DAOA: variants seen among roughly 807,000 people sequenced by gnomAD.
The protein encoded by DAOA is D-amino acid oxidase activator.
A neutral mutation model predicts 16.4 loss-of-function variants in DAOA; 15 were observed. The ratio of observed to expected loss-of-function variants is 0.91; its 90% CI spans 0.61 to 1.41. The LOEUF (loss-of-function observed/expected upper bound fraction) is 1.41, where lower values mean the gene tolerates loss of function less well. Among genes scored for constraint, DAOA ranks in the 40% most tolerant of loss-of-function variants. DAOA has a pLI of 0.00. For missense variants in DAOA, 230 were observed against 176.8 expected, an observed-to-expected ratio of 1.30 and a Z score of -1.71; for synonymous variants, 75 against 59.1, an observed-to-expected ratio of 1.27 and a Z score of -1.23.
Position 105,489,836 on chromosome 13 carries a change from C to T in DAOA, c.282-65C>T, listed in dbSNP as rs113341591. The T allele has an allele frequency of 2.8e-4, 446 of 1,613,550 alleles. 2 individuals are homozygous for T. In the East Asian group the frequency reaches 9.4e-3, roughly 34 times the overall value. On this transcript the variant is annotated intron_variant, in intron 4 of 5. Coordinates refer to ENST00000375936, the MANE Select transcript of DAOA (RefSeq NM_172370.5). Reference sequence around the variant, plus strand: ...ATGGAACATGGGAAAGGTGATGACACTTGACTCCGGTGATGAGGTTACCTT... The same window carrying T: ...ATGGAACATGGGAAAGGTGATGACATTTGACTCCGGTGATGAGGTTACCTT...
At chr13:105,480,312 C>G (rs1486176638) in intron 4 of DAOA, among the ~76,000 whole-genome samples, 1 of 151,904 alleles carries the variant, frequency 6.6e-6, no homozygotes, top group African/African-American at 2.4e-5. Flanking sequence ...CTAGCAGATA[C>G]AATATTTTAC....
intron 4 of DAOA, among the ~76,000 whole-genome samples, chr13:105,473,937 G>A (rs1877165203): frequency 6.6e-6 from 1 of 151,986 alleles, no homozygotes; most frequent in Non-Finnish European, 1.5e-5. Flanking sequence ...ACTTTCCTTT[G>A]GAACAAGGAA....
chr13:105,484,229 A>T lies in DAOA; in HGVS notation c.282-5672A>T, dbSNP rs533593911. ...TTTTACTTTCTATTTTATCCTATTGATTTGTCTATCTTAATGCTAATAACT... is the reference window on the plus strand; with the variant it reads ...TTTTACTTTCTATTTTATCCTATTGTTTTGTCTATCTTAATGCTAATAACT... On this transcript the variant is annotated intron_variant, in intron 4 of 5. Coordinates refer to ENST00000375936, the MANE Select transcript of DAOA (RefSeq NM_172370.5). Among the ~76,000 whole-genome samples, 323 of 151,666 alleles carry T rather than the reference A, an allele frequency of 2.1e-3. 1 individual carries two copies. In the South Asian group the frequency reaches 0.021, roughly 10 times the overall value.
chr13:105,483,204 T>C (rs1877872281), intron 4 of DAOA, among the ~76,000 whole-genome samples: 1 of 152,222 alleles, frequency 6.6e-6, no homozygotes, highest in East Asian at 1.9e-4. Flanking sequence ...CTCATCTTCG[T>C]TGAGTCGTAT....
At chr13:105,466,546 G>C (rs1302208818) in intron 2 of DAOA, 24 of 715,120 alleles carry the variant, frequency 3.4e-5, no homozygotes, top group Non-Finnish European at 2.4e-5. Context: ...TGTTAATGAG[G>C]AGGAGACATA....
chr13:105,488,186 T>G (rs1298510431), intron 4 of DAOA, among the ~76,000 whole-genome samples: 1 of 152,202 alleles, frequency 6.6e-6, no homozygotes, highest in Non-Finnish European at 1.5e-5. Flanking sequence ...TTGTCTGTCC[T>G]CCAACCCCCA....
At chr13:105,473,600 A>T (rs1192088430) in intron 4 of DAOA, among the ~76,000 whole-genome samples, 1 of 152,144 alleles carries the variant, frequency 6.6e-6, no homozygotes, top group Non-Finnish European at 1.5e-5. Context: ...GCCACGCAAA[A>T]AAAGTATAGC....
chr13:105,478,810 G>T (rs890163099), intron 4 of DAOA, among the ~76,000 whole-genome samples: 13 of 152,060 alleles, frequency 8.5e-5, no homozygotes, highest in Non-Finnish European at 1.8e-4. Context: ...ACTTTGTTTT[G>T]CTATTTCATT....
chr13:105,468,702 T>A (rs1876714481), intron 3 of DAOA, among the ~76,000 whole-genome samples: 1 of 152,232 alleles, frequency 6.6e-6, no homozygotes, highest in African/African-American at 2.4e-5. Flanking sequence ...AGTATGTTAA[T>A]TTCTTCCACT....
intron 5 of DAOA, chr13:105,490,592 T>TC (rs1878449319): frequency 6.6e-6 from 1 of 152,174 alleles, no homozygotes; most frequent in African/African-American, 2.4e-5. Flanking sequence ...GATGGACCCT[T>TC]CCCTACTTTT....
At chr13:105,475,081 T>A in intron 4 of DAOA, 3 of 972,194 alleles carry the variant, frequency 3.1e-6, no homozygotes, top group Non-Finnish European at 3.7e-6. Context: ...GTAAAGATGT[T>A]AAGCTGCATA....
At chr13:105,486,288 T>G (rs1878103177) in intron 4 of DAOA, among the ~76,000 whole-genome samples, 1 of 152,120 alleles carries the variant, frequency 6.6e-6, no homozygotes, top group African/African-American at 2.4e-5. Flanking sequence ...CTAATCACCC[T>G]TGCTCTTTAG....
intron 4 of DAOA, among the ~76,000 whole-genome samples, chr13:105,480,527 CATAGATAGATAG>C (rs59797400): frequency 0.017 from 2,546 of 146,734 alleles, 47 homozygotes; most frequent in African/African-American, 0.047. Context: ...TGGATAGATA[CATAGATAGATAG>C]ATAGATAGAT....
intron 4 of DAOA, among the ~76,000 whole-genome samples, chr13:105,488,551 A>G (rs1199583214): frequency 6.6e-6 from 1 of 152,238 alleles, no homozygotes; most frequent in Non-Finnish European, 1.5e-5. Flanking sequence ...GTTTTGCTTT[A>G]CAATTATTTC....
intron 5 of DAOA, 141 bp from the exon 6 acceptor site, chr13:105,490,771 A>G (rs1878462739): frequency 6.6e-6 from 1 of 152,282 alleles, no homozygotes; most frequent in African/African-American, 2.4e-5. Context: ...ATAATAACTC[A>G]GTGTCTAGTA....
At chr13:105,480,232 T>C (rs567665573) in intron 4 of DAOA, among the ~76,000 whole-genome samples, 86 of 152,336 alleles carry the variant, frequency 5.6e-4, no homozygotes, top group African/African-American at 2.0e-3. Context: ...TTTAGTCTTT[T>C]GGAGGCTGTC....
chr13:105,470,870 A>C (rs1876888294), intron 3 of DAOA, among the ~76,000 whole-genome samples: 1 of 151,970 alleles, frequency 6.6e-6, no homozygotes, highest in Non-Finnish European at 1.5e-5. Context: ...AGCTCACTGC[A>C]AGCTCCGCCT....
chr13:105,478,344 G>A (rs571026864), intron 4 of DAOA, among the ~76,000 whole-genome samples: 13 of 152,294 alleles, frequency 8.5e-5, no homozygotes, highest in South Asian at 2.1e-4. Context: ...CCCTTAGTAC[G>A]CATTCAATAG....
chr13:105,479,732 T>C (rs1173574065), intron 4 of DAOA, among the ~76,000 whole-genome samples: 1 of 152,106 alleles, frequency 6.6e-6, no homozygotes, highest in Non-Finnish European at 1.5e-5. Context: ...TATTTCCAAA[T>C]AAGGGCACAT....
Sources: allele counts gnomAD v4.1 joint callset (sites outside exome capture counted in the v4.1 genomes callset), GRCh38; gene constraint gnomAD v4.1.1; transcripts MANE v1.5; gene names NCBI Gene and HGNC (gene_info 2026-07-23, HGNC 2026-07-21).